The following AFF3 variants were observed in gnomAD, a reference collection of about 807,000 sequenced individuals.
AFF3 encodes the protein ALF transcription elongation factor 3.
Under a neutral mutation model 129.7 loss-of-function variants are expected in AFF3, and 32 were observed. The ratio of observed to expected loss-of-function variants is 0.25; its 90% CI spans 0.19 to 0.33. The LOEUF (loss-of-function observed/expected upper bound fraction) is 0.33. Among genes scored for constraint, AFF3 ranks in the 10% least tolerant of loss-of-function variants. The probability of loss-of-function intolerance (pLI) is 1.00; values close to 1 mark genes in which losing one functional copy is unlikely to be tolerated. For missense variants in AFF3, 1,373 were observed against 1,592.0 expected, an observed-to-expected ratio of 0.86 and a Z score of 2.34; for synonymous variants, 644 against 635.4, an observed-to-expected ratio of 1.01 and a Z score of -0.20.
intron 7 of AFF3, among the ~76,000 whole-genome samples, chr2:99,942,290 C>T (rs1675123688): frequency 6.6e-6 from 1 of 152,150 alleles, no homozygotes; most frequent in African/African-American, 2.4e-5. Flanking sequence ...ATGTCTGTTA[C>T]ACACCTACTA....
intron 11 of AFF3, among the ~76,000 whole-genome samples, chr2:99,686,176 C>T (rs553065791): frequency 2.0e-5 from 3 of 151,860 alleles, no homozygotes; most frequent in Non-Finnish European, 4.4e-5. Context: ...GGCGACACAG[C>T]GAGACTCCAT....
chr2:99,812,636 C>T (rs1319663696), intron 8 of AFF3, among the ~76,000 whole-genome samples: 1 of 152,138 alleles, frequency 6.6e-6, no homozygotes, highest in African/African-American at 2.4e-5. Flanking sequence ...AATTGTCTAA[C>T]GCAATTCCCA....
At chr2:100,083,597 T>C (rs1689192472) in intron 4 of AFF3, among the ~76,000 whole-genome samples, 1 of 152,202 alleles carries the variant, frequency 6.6e-6, no homozygotes, top group South Asian at 2.1e-4. Flanking sequence ...CCTCAGCGCC[T>C]GCTCATAATG....
At position 99,763,521 on chromosome 2, in the gene AFF3, C is replaced by T. The variant is rs541236814; in HGVS notation, c.922-11220G>A. 2.6e-4 allele frequency among the ~76,000 whole-genome samples: 40 copies of T among 152,092 alleles called. 1 individual carries two copies. The South Asian group carries it at 7.3e-3, about 28-fold the overall frequency. ...TATGATTGCACCACTGCACTCCAGC[C>T]GGGGTGACAGAGGGAGACCCTGTCT... On this transcript the variant is annotated intron_variant, in intron 8 of 24. Coordinates refer to ENST00000672756, the MANE Select transcript of AFF3 (RefSeq NM_001386135.1).
chr2:99,693,802 A>T (rs1359551177), intron 11 of AFF3, among the ~76,000 whole-genome samples: 1 of 152,228 alleles, frequency 6.6e-6, no homozygotes, highest in Admixed American at 6.5e-5. Context: ...GTTTGTAAAT[A>T]AGAAAAACAC....
intron 3 of AFF3, chr2:100,104,835 G>A: frequency 1.8e-6 from 1 of 561,516 alleles, no homozygotes; most frequent in South Asian, 7.7e-5. Flanking sequence ...GGTGCTCTGC[G>A]CCCGCCCGCC....
At chr2:99,682,044 C>T (rs1674584883) in intron 11 of AFF3, among the ~76,000 whole-genome samples, 1 of 151,844 alleles carries the variant, frequency 6.6e-6, no homozygotes, top group Admixed American at 6.6e-5. Context: ...GTAGTTGGGA[C>T]TACAGGTGCC....
At chr2:99,559,068 A>G (rs894776082) in intron 21 of AFF3, 100 bp from the exon 22 acceptor site, 1 of 993,386 alleles carries the variant, frequency 1.0e-6, no homozygotes, top group Non-Finnish European at 1.6e-6. Flanking sequence ...CTCAATAACA[A>G]TACCTTGTTT....
intron 4 of AFF3, among the ~76,000 whole-genome samples, chr2:100,051,006 C>T (rs1686282561): frequency 1.3e-5 from 2 of 152,216 alleles, no homozygotes; most frequent in African/African-American, 2.4e-5. Flanking sequence ...ACATGCTCTC[C>T]GCTAATCCTT....
chr2:100,016,081 A>T (rs1443498437), intron 4 of AFF3, among the ~76,000 whole-genome samples: 1 of 138,672 alleles, frequency 7.2e-6, no homozygotes, highest in African/African-American at 2.7e-5. Flanking sequence ...AGTGATGGTG[A>T]TGGTGGTGGT....
At chr2:99,800,874 G>A (rs1037521982) in intron 8 of AFF3, among the ~76,000 whole-genome samples, 7 of 152,154 alleles carry the variant, frequency 4.6e-5, no homozygotes, top group Non-Finnish European at 8.8e-5. Flanking sequence ...GGAAAATGCA[G>A]ACTCACCCAT....
chr2:99,973,173 T>G (rs763886070), intron 7 of AFF3, among the ~76,000 whole-genome samples: 9 of 152,252 alleles, frequency 5.9e-5, no homozygotes, highest in Non-Finnish European at 1.2e-4. Flanking sequence ...GTGCTCACTG[T>G]AGAGAAAGTT....
chr2:99,571,463 T>C (rs1003436512), intron 18 of AFF3, among the ~76,000 whole-genome samples: 1 of 152,180 alleles, frequency 6.6e-6, no homozygotes, highest in African/African-American at 2.4e-5. Context: ...TTAATCAATA[T>C]TGTTTTCATC....
chr2:100,024,535 G>A (rs1683880110), intron 4 of AFF3, among the ~76,000 whole-genome samples: 1 of 151,854 alleles, frequency 6.6e-6, no homozygotes, highest in Admixed American at 6.6e-5. Flanking sequence ...CTGAACCCAG[G>A]AGGCGGAGGT....
At chr2:99,723,106 A>G (rs977371237) in intron 11 of AFF3, among the ~76,000 whole-genome samples, 10 of 152,184 alleles carry the variant, frequency 6.6e-5, no homozygotes, top group African/African-American at 2.4e-4. Context: ...AGGTTCTTCC[A>G]TCATTAATAT....
chr2:99,566,344 T>C (rs531976980), intron 19 of AFF3, among the ~76,000 whole-genome samples: 7 of 152,212 alleles, frequency 4.6e-5, no homozygotes, highest in Admixed American at 3.9e-4. Context: ...CAAGGAGCTA[T>C]TTCAGCTTTG....
At chr2:99,834,314 A>C (rs188656876) in intron 8 of AFF3, among the ~76,000 whole-genome samples, 14 of 152,300 alleles carry the variant, frequency 9.2e-5, no homozygotes, top group African/African-American at 2.9e-4. Flanking sequence ...TCTTCACTTC[A>C]GTTTCCTCAT....
intron 1 of AFF3, among the ~76,000 whole-genome samples, chr2:100,137,610 A>G (rs913328947): frequency 6.6e-6 from 1 of 152,148 alleles, no homozygotes; most frequent in African/African-American, 2.4e-5. Context: ...ATACAACCAC[A>G]TGAACTGCCT....
At chr2:99,558,408 G>A (rs893679036) in intron 22 of AFF3, among the ~76,000 whole-genome samples, 1 of 152,076 alleles carries the variant, frequency 6.6e-6, no homozygotes, top group South Asian at 2.1e-4. Flanking sequence ...ATCACCTGAG[G>A]TCAGGAGTTC....
Sources: gnomAD v4.1 joint callset for allele counts (sites outside exome capture counted in the v4.1 genomes callset) on GRCh38, gnomAD v4.1.1 for gene constraint, MANE v1.5 for transcripts, NCBI Gene and HGNC (gene_info 2026-07-23, HGNC 2026-07-21) for gene names.